Variants in YIF1B observed in about 807,000 individuals in gnomAD.
YIF1B encodes the protein protein YIF1B.
YIF1B carries 24 observed loss-of-function variants against 34.6 expected under a neutral mutation model. That is an observed-to-expected ratio of 0.69 (90% CI 0.50 to 0.98). The LOEUF is 0.98. YIF1B is among the 50% of genes least tolerant of loss of function. The probability of loss-of-function intolerance (pLI) is 0.00; values close to 1 mark genes in which losing one functional copy is unlikely to be tolerated. For missense variants in YIF1B, 368 were observed against 429.4 expected, an observed-to-expected ratio of 0.86 and a Z score of 1.26; for synonymous variants, 186 against 184.8, an observed-to-expected ratio of 1.01 and a Z score of -0.05.
At chr19:38,305,927 G>C (rs1320392710) in intron 7 of YIF1B, among the ~76,000 whole-genome samples, 2 of 147,558 alleles carry the variant, frequency 1.4e-5, no homozygotes, top group East Asian at 4.1e-4. Context: ...TCTCTGGCCT[G>C]GTGCGTTGGC....
chr19:38,308,434 G>A (rs115686696), intron 5 of YIF1B, among the ~76,000 whole-genome samples: 1,524 of 151,726 alleles, frequency 0.01, 24 homozygotes, highest in African/African-American at 0.035. Flanking sequence ...GGCAGGGTGG[G>A]CCAGGCCCGC....
At chr19:38,310,878 G>A (rs1449275641) in intron 1 of YIF1B, among the ~76,000 whole-genome samples, 4 of 151,990 alleles carry the variant, frequency 2.6e-5, no homozygotes, top group Non-Finnish European at 5.9e-5. Flanking sequence ...TACCTCCCTT[G>A]GTGGCACTCC....
intron 7 of YIF1B, among the ~76,000 whole-genome samples, chr19:38,305,765 C>A (rs1235267714): frequency 6.6e-6 from 1 of 152,220 alleles, no homozygotes; most frequent in East Asian, 1.9e-4. Context: ...CAGGCAAGGT[C>A]TTGGAGCGGG....
intron 7 of YIF1B, 116 bp downstream of exon 7, chr19:38,307,312 C>T (rs1969095370): frequency 1.7e-6 from 2 of 1,195,292 alleles, no homozygotes; most frequent in African/African-American, 3.0e-5. Context: ...TCCAGGGCTC[C>T]TCAGTTCAGC....
chr19:38,304,403 TG>T lies in YIF1B; in HGVS notation c.*948del. The T allele has an allele frequency of 1.3e-6, 2 of 1,571,630 alleles. No individual in the cohort carries two copies. Among genetic ancestry groups the T allele is most frequent in the Non-Finnish European group, 1.7e-6 (2 of 1,159,144 alleles). On this transcript the variant is annotated 3_prime_UTR_variant, in exon 8 of 8. Coordinates refer to ENST00000339413, the MANE Select transcript of YIF1B (RefSeq NM_001039672.3). ...TGGAGCCCACCTCCCAGAAGCCCGG[TG>T]TGGGGGCGGGCCACGGGGGAGATCC...
Position 38,305,151 on chromosome 19 carries a change from G to T in YIF1B, c.*201C>A. The T allele has an allele frequency of 7.1e-7, 1 of 1,401,142 alleles. No homozygotes were observed. Among genetic ancestry groups the T allele is most frequent in the Non-Finnish European group, 9.5e-7 (1 of 1,054,566 alleles). 86.8% of individuals were successfully genotyped at this position (1,401,142 alleles called of 1,614,324 possible). A position where few individuals can be genotyped will look rare whatever the true frequency, so the allele number is the denominator to read the frequency against. On this transcript the variant is annotated 3_prime_UTR_variant, in exon 8 of 8. Coordinates refer to ENST00000339413, the MANE Select transcript of YIF1B (RefSeq NM_001039672.3). ...AGGGTTTATTGTTTCTGTAACAGCG[G>T]CCACGCCCTGGGGCGGTGGCCTGTG...
At chr19:38,315,804 G>A in intron 1 of YIF1B, 56 bp downstream of exon 1, 3 of 1,511,848 alleles carry the variant, frequency 2.0e-6, no homozygotes, top group Non-Finnish European at 2.6e-6. Context: ...CTCGCCAACC[G>A]ACGCGGCCGC....
chr19:38,308,997 G>T lies in YIF1B; in HGVS notation c.463C>A (p.Pro155Thr). ...PVAPRFDVNA[P>T]DLYIPAMAFI... ...GTGAAACCTGGAATGTAGAGGTCCG[G>T]GGCATTGACGTCAAAGCGGGGGGCC... The change falls in exon 4 of 8, where the codon CCG becomes ACG. Residue 155 changes from proline to threonine, a missense_variant. Transcript: ENST00000339413. The T allele has an allele frequency of 6.3e-7, 1 of 1,588,748 alleles. No individual in the cohort carries two copies. Among genetic ancestry groups the T allele is most frequent in the Non-Finnish European group, 8.6e-7 (1 of 1,165,768 alleles).
chr19:38,304,148 G>A lies in YIF1B; in HGVS notation c.*1204C>T, dbSNP rs1007177708. 3.1e-6 allele frequency: 4 copies of A among 1,304,052 alleles called. No homozygotes were observed. In the African/African-American group the frequency reaches 4.3e-5, roughly 14 times the overall value. The allele number at this position is 1,304,052 out of a possible 1,614,324, so 80.8% of individuals were successfully genotyped here. ...GGGCTGAGGACCAGGACAGAGGTTGGGTGGGGCGTCTCAGCATTCCTCCAA... is the reference window on the plus strand; with the variant it reads ...GGGCTGAGGACCAGGACAGAGGTTGAGTGGGGCGTCTCAGCATTCCTCCAA... On this transcript the variant is annotated 3_prime_UTR_variant, in exon 8 of 8. Transcript: ENST00000339413.
intron 1 of YIF1B, among the ~76,000 whole-genome samples, chr19:38,315,169 C>T (rs1177129742): frequency 1.3e-5 from 2 of 150,998 alleles, no homozygotes; most frequent in African/African-American, 4.9e-5. Context: ...CGCTTGAACC[C>T]GGGAGGCGGA....
Position 38,309,043 on chromosome 19 carries a change from C to CTGCACTTTTT in YIF1B, c.416_417insAAAAAGTGCA (p.Tyr140LysfsTer15). The stretch of plus-strand genomic sequence containing the variant: ...GGGCCACCGGGGTGTCCTGTTGGTA[C>CTGCACTTTTT]TGCACTTCCCAGTCCTGCGGGGATG... On this transcript the variant is annotated frameshift_variant, in exon 4 of 8. Transcript: ENST00000339413. LOFTEE classifies it high-confidence loss of function. The CTGCACTTTTT allele has an allele frequency of 6.4e-7, 1 of 1,556,154 alleles. No individual in the cohort carries two copies. Among genetic ancestry groups the CTGCACTTTTT allele is most frequent in the Non-Finnish European group, 8.7e-7 (1 of 1,149,456 alleles).
chr19:38,309,656 A>G lies in YIF1B; in HGVS notation c.59-13T>C. On this transcript the variant is annotated splice_polypyrimidine_tract_variant and intron_variant, in intron 1 of 7. Coordinates refer to ENST00000339413, the MANE Select transcript of YIF1B (RefSeq NM_001039672.3). ...CTCCGCTTCGAGGCTGCAAGGGAAG[A>G]GAGTGAGAAGGAGCTGGGGACCCAG... The G allele has an allele frequency of 6.3e-7, 1 of 1,592,098 alleles. No individual in the cohort carries two copies. The highest frequency in any genetic ancestry group is 8.5e-7 in the Non-Finnish European group (1 of 1,172,282).
At chr19:38,307,044 C>T (rs1969081290) in intron 7 of YIF1B, 1 of 487,402 alleles carries the variant, frequency 2.1e-6, no homozygotes, top group Admixed American at 2.3e-5. Context: ...GCTTGGGGTC[C>T]ACCCAGCCTG....
intron 7 of YIF1B, among the ~76,000 whole-genome samples, chr19:38,306,268 G>C (rs1006725885): frequency 1.3e-5 from 2 of 149,352 alleles, no homozygotes; most frequent in Non-Finnish European, 3.0e-5. Flanking sequence ...CTTGACTGCA[G>C]TGGCGTGACC....
In YIF1B at chr19:38,308,830, G is replaced by A. The variant is rs117905757; in HGVS notation, c.501C>T (p.Tyr167=). ...LYIPAMAFIT[Y]VLVAGLALGT... ...CCAGCGCAAGACCAGCCACCAAAACGTAGGTGATGAAAGCCATTGCTGTGG... is the reference window on the plus strand; with the variant it reads ...CCAGCGCAAGACCAGCCACCAAAACATAGGTGATGAAAGCCATTGCTGTGG... Residue 167 remains tyrosine, a synonymous_variant, in exon 5 of 8, where the codon TAC becomes TAT. Coordinates refer to ENST00000339413, the MANE Select transcript of YIF1B (RefSeq NM_001039672.3). 1,029 of 1,613,950 alleles carry A rather than the reference G, an allele frequency of 6.4e-4. 21 individuals are homozygous for A. The East Asian group carries it at 0.022, about 35-fold the overall frequency.
At chr19:38,320,546 C>CTTTTTTTTT (rs35248793), upstream of YIF1B, among the ~76,000 whole-genome samples, 1 of 145,740 alleles carries the variant, frequency 6.9e-6, no homozygotes, top group Non-Finnish European at 1.5e-5. Context: ...GTTCCTCGGT[C>CTTTTTTTTT]TTTTTTTTTT....
intron 1 of YIF1B, 48 bp downstream of exon 1, chr19:38,315,812 C>A: frequency 6.7e-7 from 1 of 1,502,002 alleles, no homozygotes. Flanking sequence ...CCGACGCGGC[C>A]GCCCCGCCAC....
intron 1 of YIF1B, among the ~76,000 whole-genome samples, chr19:38,312,122 A>C (rs1239018147): frequency 6.7e-6 from 1 of 148,294 alleles, no homozygotes; most frequent in East Asian, 2.0e-4. Context: ...AAACAAAACA[A>C]AACAAAAAAC....
chr19:38,305,236 A>C lies in YIF1B; in HGVS notation c.*116T>G, dbSNP rs1373281522. 5 of 1,459,838 alleles carry C rather than the reference A, an allele frequency of 3.4e-6. No homozygotes were observed. In the African/African-American group the frequency reaches 7.0e-5, roughly 20 times the overall value. 90.4% of individuals were successfully genotyped at this position (1,459,838 alleles called of 1,614,324 possible). A position where few individuals can be genotyped will look rare whatever the true frequency, so the allele number is the denominator to read the frequency against. ...CGGGGCTGGGCGGGACATGGGATGG[A>C]GGCGGTGCCTGTGGCCAGACAGGGT... is the stretch of plus-strand genomic sequence containing the variant. On this transcript the variant is annotated 3_prime_UTR_variant, in exon 8 of 8. Coordinates refer to ENST00000339413, the MANE Select transcript of YIF1B (RefSeq NM_001039672.3).
Sources: allele counts gnomAD v4.1 joint callset (sites outside exome capture counted in the v4.1 genomes callset), GRCh38; gene constraint gnomAD v4.1.1; transcripts MANE v1.5; gene names NCBI Gene and HGNC (gene_info 2026-07-23, HGNC 2026-07-21).